AKAP8L: variants seen among roughly 807,000 people sequenced by gnomAD.
AKAP8L encodes the protein A-kinase anchoring protein 8 like.
A neutral mutation model predicts 77.5 loss-of-function variants in AKAP8L; 34 were observed. The ratio of observed to expected loss-of-function variants is 0.44; its 90% CI spans 0.33 to 0.58. The LOEUF (loss-of-function observed/expected upper bound fraction) is 0.58, where lower values mean the gene tolerates loss of function less well. AKAP8L is among the 20% of genes least tolerant of loss of function. AKAP8L has a pLI of 0.02. For synonymous variants in AKAP8L, 342 were observed against 340.7 expected (o/e 1.00, Z -0.04); for missense variants, 806 against 887.6 (o/e 0.91, Z 1.17).
At chr19:15,412,480 G>A (rs1199521724) in intron 1 of AKAP8L, among the ~76,000 whole-genome samples, 1 of 151,910 alleles carries the variant, frequency 6.6e-6, no homozygotes, top group Admixed American at 6.6e-5. Flanking sequence ...GACTATGACT[G>A]ATGCTAATCC....
chr19:15,385,472 C>T (rs1315478849), intron 12 of AKAP8L, among the ~76,000 whole-genome samples: 6 of 152,174 alleles, frequency 3.9e-5, no homozygotes, highest in South Asian at 4.1e-4. Context: ...TGAGCCACCG[C>T]GCCCGGCAAC....
chr19:15,412,743 C>T (rs1212005713), intron 1 of AKAP8L, among the ~76,000 whole-genome samples: 1 of 152,180 alleles, frequency 6.6e-6, no homozygotes, highest in East Asian at 1.9e-4. Context: ...GGGGTTTCAC[C>T]ATGTTAGCCA....
In AKAP8L at chr19:15,401,679, C is replaced by A; in HGVS notation, c.363-76G>T. On this transcript the variant is annotated intron_variant, in intron 4 of 13. Coordinates refer to ENST00000397410, the MANE Select transcript of AKAP8L (RefSeq NM_014371.4). This position sits in a 1 kb window ranked among gnomAD's most constrained non-coding sequence, Gnocchi z 6.2. ...CTCCAGGCAACTGCTCCTGCCCTCCCCAATCTCCCAGTCCAGCACCCACCC... is the reference window on the plus strand; with the variant it reads ...CTCCAGGCAACTGCTCCTGCCCTCCACAATCTCCCAGTCCAGCACCCACCC... 1 of 1,212,584 alleles carries A rather than the reference C, an allele frequency of 8.2e-7. No individual in the cohort carries two copies. The highest frequency in any genetic ancestry group is 1.5e-5 in the South Asian group (1 of 67,982). 75.1% of individuals were successfully genotyped at this position (1,212,584 alleles called of 1,614,324 possible).
chr19:15,397,229 G>A lies in AKAP8L; in HGVS notation c.1457C>T (p.Ala486Val). Residue 486 changes from alanine to valine, a missense_variant, in exon 12 of 14, where the codon GCC (alanine) becomes GTC (valine). Transcript: ENST00000397410. This position sits in a 1 kb window ranked among gnomAD's most constrained non-coding sequence, Gnocchi z 4.7. ...CTGCATGGGAATGAAGAGGTCGCAG[G>A]CTGCACAATGGGCTGCCTCCACCTT... ...VKKVEAAHCA[A>V]CDLFIPMQFG... 6.2e-7 allele frequency: 1 copy of A among 1,614,022 alleles called. No homozygotes were observed. The highest frequency in any genetic ancestry group is 8.5e-7 in the Non-Finnish European group (1 of 1,179,902).
At chr19:15,386,205 C>T (rs1299547073) in intron 12 of AKAP8L, among the ~76,000 whole-genome samples, 4 of 152,122 alleles carry the variant, frequency 2.6e-5, no homozygotes, top group Admixed American at 6.6e-5. Flanking sequence ...CCACCGCGCC[C>T]GGCCAATCCA....
intron 1 of AKAP8L, among the ~76,000 whole-genome samples, chr19:15,417,237 C>T (rs1244669048): frequency 6.6e-6 from 1 of 152,262 alleles, no homozygotes; most frequent in African/African-American, 2.4e-5. Context: ...CTTCAAGAGT[C>T]CTGTTTTTAA....
In AKAP8L at chr19:15,389,948, C is replaced by T. The variant is rs546665905; in HGVS notation, c.1536+7202G>A. 2.0e-5 allele frequency among the ~76,000 whole-genome samples: 3 copies of T among 151,440 alleles called. No homozygotes were observed. In the South Asian group the frequency reaches 6.2e-4, roughly 32 times the overall value. On this transcript the variant is annotated intron_variant, in intron 12 of 13. Coordinates refer to ENST00000397410, the MANE Select transcript of AKAP8L (RefSeq NM_014371.4). Reference sequence around the variant, plus strand: ...TTAAAGCCGACTTCTCAGCGGGGCACGGTGGCTCATGCCTGTAGTGGCAAG... The same window carrying T: ...TTAAAGCCGACTTCTCAGCGGGGCATGGTGGCTCATGCCTGTAGTGGCAAG...
Position 15,397,297 on chromosome 19 carries a change from G to GAAAA in AKAP8L, c.1406-18_1406-17insTTTT. On this transcript the variant is annotated splice_polypyrimidine_tract_variant and intron_variant, in intron 11 of 13. Transcript: ENST00000397410. The surrounding 1 kb of genome is among the most constrained non-coding windows in gnomAD (Gnocchi z 4.7). ...TGGCAATTTCTGTAGTGGGGAGGAG[G>GAAAA]GAGTCACCACTGGGCCCAGGTGCCT... 6.2e-7 allele frequency: 1 copy of GAAAA among 1,613,626 alleles called. No individual in the cohort carries two copies. Among genetic ancestry groups the GAAAA allele is most frequent in the East Asian group, 2.2e-5 (1 of 44,874 alleles).
intron 1 of AKAP8L, among the ~76,000 whole-genome samples, chr19:15,414,437 T>C (rs896677327): frequency 6.6e-6 from 1 of 152,146 alleles, no homozygotes; most frequent in African/African-American, 2.4e-5. Flanking sequence ...AAATAAAATA[T>C]GCCCTATATG....
chr19:15,399,112 G>T lies in AKAP8L; in HGVS notation c.1157+190C>A. ...AGACGCCAGCGGTCGCCAGGCGGCCGCAGAGGGGCAGGGGATGAGTCAGGC... is the reference window on the plus strand; with the variant it reads ...AGACGCCAGCGGTCGCCAGGCGGCCTCAGAGGGGCAGGGGATGAGTCAGGC... On this transcript the variant is annotated intron_variant, in intron 9 of 13. Transcript: ENST00000397410. This position sits in a 1 kb window ranked among gnomAD's most constrained non-coding sequence, Gnocchi z 6.1. 1 of 605,400 alleles carries T rather than the reference G, an allele frequency of 1.7e-6. No individual in the cohort carries two copies. Among genetic ancestry groups the T allele is most frequent in the Non-Finnish European group, 2.9e-6 (1 of 345,200 alleles). The allele number at this position is 605,400 out of a possible 1,614,324, so 37.5% of individuals were successfully genotyped here. A position where few individuals can be genotyped will look rare whatever the true frequency, so the allele number is the denominator to read the frequency against.
At position 15,399,177 on chromosome 19, in the gene AKAP8L, G is replaced by A. The variant is rs776227869; in HGVS notation, c.1157+125C>T. 12 of 819,552 alleles carry A rather than the reference G, an allele frequency of 1.5e-5. No homozygotes were observed. The highest frequency in any genetic ancestry group is 3.2e-5 in the South Asian group (2 of 63,110). The allele number at this position is 819,552 out of a possible 1,614,324, so 50.8% of individuals were successfully genotyped here. On this transcript the variant is annotated intron_variant, in intron 9 of 13. Coordinates refer to ENST00000397410, the MANE Select transcript of AKAP8L (RefSeq NM_014371.4). This position sits in a 1 kb window ranked among gnomAD's most constrained non-coding sequence, Gnocchi z 6.1. The stretch of plus-strand genomic sequence containing the variant: ...CTGGCGGGAAGCAGGGTCCATGCAC[G>A]GCCGAGCAGGTGGCGGCTCCCAAGG...
intron 12 of AKAP8L, among the ~76,000 whole-genome samples, chr19:15,395,712 C>G (rs960729060): frequency 6.7e-6 from 1 of 149,840 alleles, no homozygotes; most frequent in East Asian, 2.0e-4. Flanking sequence ...AGGCCGGGCG[C>G]GGTGGCTCAC....
intron 2 of AKAP8L, among the ~76,000 whole-genome samples, chr19:15,404,990 A>G (rs562697825): frequency 6.9e-4 from 105 of 152,360 alleles, no homozygotes; most frequent in Middle Eastern, 3.4e-3. Flanking sequence ...ATGTTTAACA[A>G]GAGAGCTCAC....
chr19:15,394,553 G>T (rs977239523), intron 12 of AKAP8L, among the ~76,000 whole-genome samples: 6 of 151,854 alleles, frequency 4.0e-5, no homozygotes, highest in Non-Finnish European at 5.9e-5. Flanking sequence ...CATTTGTTTG[G>T]TTTTTTTAGA....
At chr19:15,395,517 G>A (rs546568029) in intron 12 of AKAP8L, among the ~76,000 whole-genome samples, 6 of 150,976 alleles carry the variant, frequency 4.0e-5, no homozygotes, top group Admixed American at 6.6e-5. Flanking sequence ...GTTTCACCAC[G>A]TTGGCCAGGA....
chr19:15,396,298 G>A (rs1967775371), intron 12 of AKAP8L, among the ~76,000 whole-genome samples: 1 of 151,518 alleles, frequency 6.6e-6, no homozygotes. Context: ...CCCCTCTTTG[G>A]CCCAGACCTG....
chr19:15,387,740 C>G (rs1280002794), intron 12 of AKAP8L, among the ~76,000 whole-genome samples: 1 of 152,138 alleles, frequency 6.6e-6, no homozygotes, highest in Non-Finnish European at 1.5e-5. Context: ...GTGGGTGGCT[C>G]ATAAGATCAA....
At chr19:15,391,457 CAAAAAAAAA>C (rs1163781609) in intron 12 of AKAP8L, among the ~76,000 whole-genome samples, 1 of 34,918 alleles carries the variant, frequency 2.9e-5, no homozygotes, top group African/African-American at 1.2e-4. Flanking sequence ...GACTCTGTCT[CAAAAAAAAA>C]AAAAAAAAAA....
At chr19:15,380,722 T>C in intron 12 of AKAP8L, 110 bp from the exon 13 acceptor site, 1 of 916,624 alleles carries the variant, frequency 1.1e-6, no homozygotes, top group South Asian at 1.5e-5. Flanking sequence ...ACCCACGCAC[T>C]TCCAGCCCCA....
Sources: allele counts gnomAD v4.1 joint callset (sites outside exome capture counted in the v4.1 genomes callset), GRCh38; gene constraint gnomAD v4.1.1; non-coding constraint Gnocchi (gnomAD v3.1); transcripts MANE v1.5; gene names NCBI Gene and HGNC (gene_info 2026-07-23, HGNC 2026-07-21).